Variants in NFATC1 observed in about 807,000 individuals in gnomAD.
NFATC1 encodes the protein nuclear factor of activated T-cells, cytoplasmic 1.
Under a neutral mutation model 76.0 loss-of-function variants are expected in NFATC1, and 22 were observed. The observed-to-expected ratio is 0.29, with a 90% CI of 0.21 to 0.41. NFATC1 has a LOEUF of 0.41. NFATC1 is among the 10% of genes least tolerant of loss of function. The pLI is 1.00. For missense variants in NFATC1, 1,357 were observed against 1,337.7 expected, an observed-to-expected ratio of 1.01 and a Z score of -0.23; for synonymous variants, 704 against 613.1, an observed-to-expected ratio of 1.15 and a Z score of -2.19.
chr18:79,464,475 C>T (rs937625437), intron 7 of NFATC1, among the ~76,000 whole-genome samples: 3 of 150,872 alleles, frequency 2.0e-5, no homozygotes, highest in East Asian at 3.9e-4. Flanking sequence ...TCATACTCAT[C>T]GTGGACATTT....
intron 3 of NFATC1, among the ~76,000 whole-genome samples, chr18:79,445,681 C>T (rs573400852): frequency 3.9e-5 from 6 of 152,336 alleles, no homozygotes; most frequent in Non-Finnish European, 7.3e-5. Context: ...AGATTTTACT[C>T]GTAGGCCCTA....
intron 8 of NFATC1, among the ~76,000 whole-genome samples, chr18:79,474,169 C>T (rs1235295836): frequency 3.1e-5 from 4 of 130,126 alleles, no homozygotes; most frequent in Admixed American, 2.3e-4. Context: ...CGTGTTCTCA[C>T]GCTCGCTGTC....
At chr18:79,397,799 C>A (rs2085056927) in intron 1 of NFATC1, among the ~76,000 whole-genome samples, 1 of 152,110 alleles carries the variant, frequency 6.6e-6, no homozygotes, top group African/African-American at 2.4e-5. Flanking sequence ...TTCTTTTACG[C>A]AAGGAAAAAA....
chr18:79,402,634 A>C (rs1413007154), intron 1 of NFATC1, among the ~76,000 whole-genome samples: 1 of 152,156 alleles, frequency 6.6e-6, no homozygotes, highest in African/African-American at 2.4e-5. Context: ...CGAGCAGGAG[A>C]GGCGAGAGCT....
chr18:79,477,865 C>T (rs2089137140), intron 8 of NFATC1, among the ~76,000 whole-genome samples: 1 of 152,212 alleles, frequency 6.6e-6, no homozygotes, highest in African/African-American at 2.4e-5. Context: ...GGCGATTTGT[C>T]TCTCCCTCCC....
intron 2 of NFATC1, among the ~76,000 whole-genome samples, chr18:79,417,161 GGGCTGTGGCGGGAGA>G: frequency 3.4e-5 from 5 of 148,494 alleles, no homozygotes; most frequent in East Asian, 2.0e-4. Flanking sequence ...GGCGGGAGAT[GGGCTGTGGCGGGAGA>G]TGGGCTGTGG....
At chr18:79,415,787 C>T (rs1035138547) in intron 2 of NFATC1, among the ~76,000 whole-genome samples, 10 of 152,202 alleles carry the variant, frequency 6.6e-5, no homozygotes, top group Admixed American at 5.9e-4. Flanking sequence ...CTTGGCCAGG[C>T]GCAGTGGCTC....
At chr18:79,400,213 G>T (rs1253951406) in intron 1 of NFATC1, 2 of 1,181,884 alleles carry the variant, frequency 1.7e-6, no homozygotes, top group South Asian at 3.7e-5. Flanking sequence ...CTCGGAAGCC[G>T]GCGGCCGCGA....
Position 79,433,612 on chromosome 18 carries a change from G to A in NFATC1, c.1260G>A (p.Pro420=), listed in dbSNP as rs141666972. 2.5e-5 allele frequency: 40 copies of A among 1,612,758 alleles called. No homozygotes were observed. The East Asian group carries it at 3.3e-4, about 13-fold the overall frequency. Residue 420 remains proline, a synonymous_variant, in exon 3 of 10, where the codon CCG becomes CCA. Transcript: ENST00000427363. ...TGCCCGCCCTGGACTGGCAGCTGCC[G>A]TCCCACTCAGGCCCGTATGAGCTTC... is the stretch of plus-strand genomic sequence containing the variant. ...PTLPALDWQL[P]SHSGPYELRI...
chr18:79,401,988 T>G (rs1476740805), intron 1 of NFATC1, among the ~76,000 whole-genome samples: 1 of 152,166 alleles, frequency 6.6e-6, no homozygotes, highest in African/African-American at 2.4e-5. Context: ...AGGGGGTAGT[T>G]ATCCCCATGG....
intron 3 of NFATC1, among the ~76,000 whole-genome samples, chr18:79,446,748 C>T (rs1008176627): frequency 2.0e-5 from 3 of 152,174 alleles, no homozygotes; most frequent in Admixed American, 6.5e-5. Context: ...TGCAGAGTTA[C>T]GTGGTCTTAG....
chr18:79,461,590 G>A (rs574763175), intron 7 of NFATC1, among the ~76,000 whole-genome samples: 2 of 152,336 alleles, frequency 1.3e-5, no homozygotes, highest in African/African-American at 4.8e-5. Flanking sequence ...GTCAGGTCAC[G>A]TCAGAGCCCT....
intron 6 of NFATC1, among the ~76,000 whole-genome samples, chr18:79,453,050 T>C (rs2087540111): frequency 6.6e-6 from 1 of 152,198 alleles, no homozygotes; most frequent in African/African-American, 2.4e-5. Flanking sequence ...ATGTTTTAAA[T>C]TACAGAGAAA....
Position 79,412,104 on chromosome 18 carries a change from G to A in NFATC1, c.1226+603G>A, listed in dbSNP as rs148770055. On this transcript the variant is annotated intron_variant, in intron 2 of 9. Transcript: ENST00000427363. ...GAGACGCCGGCTGTGGCATCAGGCT[G>A]GGGGAGCTCACGCGCCTTCCTTCTT... Among the ~76,000 whole-genome samples the A allele has an allele frequency of 1.3e-4, 20 of 152,360 alleles. No individual in the cohort carries two copies. The East Asian group carries it at 3.1e-3, about 24-fold the overall frequency.
At position 79,433,758 on chromosome 18, in the gene NFATC1, T is replaced by C; in HGVS notation, c.1386+20T>C. The C allele has an allele frequency of 6.2e-7, 1 of 1,601,950 alleles. No homozygotes were observed. The highest frequency in any genetic ancestry group is 8.5e-7 in the Non-Finnish European group (1 of 1,174,638). ...GTGCAGGTAGGCACTGCGGCCAGAC[T>C]CGCACGTCACTTGGTGCTTTTGTGG... On this transcript the variant is annotated intron_variant, in intron 3 of 9. Transcript: ENST00000427363.
rs898603751 is a variant in NFATC1 at position 79,474,482 on chromosome 18, G to A, written c.2092+6900G>A. 3.4e-5 allele frequency among the ~76,000 whole-genome samples: 5 copies of A among 148,604 alleles called. 1 individual carries two copies. Among genetic ancestry groups the A allele is most frequent in the African/African-American group, 7.5e-5 (3 of 39,770 alleles). On this transcript the variant is annotated intron_variant, in intron 8 of 9. Transcript: ENST00000427363. ...TCGACGTTGTAAACCTGAGGGAAGC[G>A]TGTTCTCACACTCACTGTCGACGTT...
chr18:79,398,393 T>C (rs995900182), intron 1 of NFATC1, among the ~76,000 whole-genome samples: 9 of 152,232 alleles, frequency 5.9e-5, no homozygotes, highest in Admixed American at 5.9e-4. Flanking sequence ...GGGGCTTCTG[T>C]CTCCGCAGAC....
chr18:79,457,238 C>T (rs1363032293), intron 6 of NFATC1, among the ~76,000 whole-genome samples: 3 of 152,120 alleles, frequency 2.0e-5, no homozygotes, highest in Non-Finnish European at 2.9e-5. Context: ...GGGCAGCGCC[C>T]GGGGAAGAGA....
chr18:79,469,409 C>G (rs74949301), intron 8 of NFATC1: 147,826 of 985,364 alleles, frequency 0.15, 12,111 homozygotes, highest in Non-Finnish European at 0.17. Context: ...GTGCGGGGAG[C>G]GTGCCTGCCC....
Sources: allele counts gnomAD v4.1 joint callset (sites outside exome capture counted in the v4.1 genomes callset), GRCh38; gene constraint gnomAD v4.1.1; transcripts MANE v1.5; gene names NCBI Gene and HGNC (gene_info 2026-07-23, HGNC 2026-07-21).